Variants in GNA12 observed in about 807,000 individuals in gnomAD.
GNA12 encodes guanine nucleotide-binding protein subunit alpha-12.
A neutral mutation model predicts 26.0 loss-of-function variants in GNA12; 9 were observed. The ratio of observed to expected loss-of-function variants is 0.35; its 90% confidence interval spans 0.21 to 0.60. The LOEUF is 0.60. Ranked by LOEUF, GNA12 falls within the 20% of genes least tolerant of loss-of-function variation. GNA12 has a pLI of 0.78. For missense variants in GNA12, 405 were observed against 525.8 expected (o/e 0.77, Z 2.25); for synonymous variants, 264 against 219.6 (o/e 1.20, Z -1.79).
At chr7:2,802,402 G>C (rs6949447) in intron 1 of GNA12, among the ~76,000 whole-genome samples, 2 of 88,066 alleles carry the variant, frequency 2.3e-5, no homozygotes, top group African/African-American at 4.5e-5. Context: ...TTGGGGGGGT[G>C]GGGGGTGGGG....
chr7:2,832,817 G>C (rs1438720251), intron 1 of GNA12, among the ~76,000 whole-genome samples: 1 of 152,168 alleles, frequency 6.6e-6, no homozygotes, highest in Non-Finnish European at 1.5e-5. Context: ...AGAGCGGCTG[G>C]ATGTGCTGCC....
intron 2 of GNA12, among the ~76,000 whole-genome samples, chr7:2,764,328 C>T (rs1791712918): frequency 6.6e-6 from 1 of 151,912 alleles, no homozygotes; most frequent in Admixed American, 6.6e-5. Context: ...AGTGATCCTC[C>T]CATCTCAGCC....
Position 2,781,412 on chromosome 7 carries a change from CTGTGTGTGTG to C in GNA12, c.525+13506_525+13515del, listed in dbSNP as rs58348546. ...CTCTAATCCATTTCAAAGTAAGTGT[CTGTGTGTGTG>C]TGTGTGTGTGTGTGTGTGTGTGTGT... On this transcript the variant is annotated intron_variant, in intron 2 of 3. Coordinates refer to ENST00000275364, the MANE Select transcript of GNA12 (RefSeq NM_007353.3). Among the ~76,000 whole-genome samples, 882 of 143,720 alleles carry C rather than the reference CTGTGTGTGTG, an allele frequency of 6.1e-3. 6 individuals are homozygous for C. The highest frequency in any genetic ancestry group is 0.017 in the Middle Eastern group (5 of 288). The allele number at this position is 143,720 out of a possible 152,430, so 94.3% of individuals were successfully genotyped here.
intron 2 of GNA12, among the ~76,000 whole-genome samples, chr7:2,740,284 G>A (rs575979107): frequency 1.3e-5 from 2 of 152,328 alleles, no homozygotes; most frequent in South Asian, 2.1e-4. Flanking sequence ...CCTACCTGCA[G>A]TGTGATGGTA....
At chr7:2,741,053 C>T (rs1022391643) in intron 2 of GNA12, among the ~76,000 whole-genome samples, 6 of 151,308 alleles carry the variant, frequency 4.0e-5, no homozygotes, top group African/African-American at 1.5e-4. Flanking sequence ...TCAAAACAAA[C>T]AAACAAACAA....
chr7:2,742,168 T>G (rs1233554105), intron 2 of GNA12, among the ~76,000 whole-genome samples: 1 of 151,710 alleles, frequency 6.6e-6, no homozygotes, highest in Non-Finnish European at 1.5e-5. Flanking sequence ...ATTACAGAGG[T>G]GCACCACCAT....
chr7:2,774,234 T>C (rs957641288), intron 2 of GNA12, among the ~76,000 whole-genome samples: 6 of 152,190 alleles, frequency 3.9e-5, no homozygotes, highest in African/African-American at 1.4e-4. Flanking sequence ...CTTTTATTTC[T>C]ATACATGTAT....
chr7:2,842,285 A>T (rs989332619), intron 1 of GNA12, among the ~76,000 whole-genome samples: 1 of 151,914 alleles, frequency 6.6e-6, no homozygotes, highest in African/African-American at 2.4e-5. Context: ...GTACTGAGAG[A>T]CTGGAACCCC....
chr7:2,736,993 T>C (rs798520), intron 2 of GNA12, among the ~76,000 whole-genome samples: 82,943 of 152,116 alleles, frequency 0.55, 23,332 homozygotes, highest in Non-Finnish European at 0.62. Context: ...CTGCTCCTAA[T>C]TGGAGCCTTT....
chr7:2,741,428 C>T (rs1275744251), intron 2 of GNA12, among the ~76,000 whole-genome samples: 1 of 152,176 alleles, frequency 6.6e-6, no homozygotes, highest in Non-Finnish European at 1.5e-5. Context: ...GAGGCTTCCA[C>T]CACAGAATCT....
At chr7:2,757,515 T>A (rs1791360684) in intron 2 of GNA12, among the ~76,000 whole-genome samples, 1 of 152,100 alleles carries the variant, frequency 6.6e-6, no homozygotes, top group African/African-American at 2.4e-5. Flanking sequence ...CCAGTACCAG[T>A]GAGCTTGAAA....
intron 1 of GNA12, among the ~76,000 whole-genome samples, chr7:2,801,806 G>A (rs976243897): frequency 1.3e-5 from 2 of 152,014 alleles, no homozygotes; most frequent in Non-Finnish European, 2.9e-5. Flanking sequence ...GAGTTCCAGC[G>A]AAGTTTTCTA....
intron 2 of GNA12, among the ~76,000 whole-genome samples, chr7:2,784,202 C>T (rs1169003381): frequency 6.6e-6 from 1 of 152,214 alleles, no homozygotes; most frequent in African/African-American, 2.4e-5. Context: ...ACTGCAGCCT[C>T]AACCTCCCAG....
chr7:2,772,681 G>A (rs1236249706), intron 2 of GNA12, among the ~76,000 whole-genome samples: 1 of 152,318 alleles, frequency 6.6e-6, no homozygotes, highest in African/African-American at 2.4e-5. Flanking sequence ...ACAATGCCAA[G>A]TGTTGGTTAG....
intron 2 of GNA12, among the ~76,000 whole-genome samples, chr7:2,788,462 T>A (rs1792422381): frequency 1.3e-5 from 2 of 152,172 alleles, no homozygotes; most frequent in African/African-American, 4.8e-5. Flanking sequence ...GAGCGCACAC[T>A]CTGGACCGAG....
At chr7:2,804,984 G>A (rs1405177723) in intron 1 of GNA12, among the ~76,000 whole-genome samples, 2 of 152,080 alleles carry the variant, frequency 1.3e-5, no homozygotes, top group Non-Finnish European at 2.9e-5. Context: ...CAAACATGAT[G>A]TGTGCAGCGC....
chr7:2,782,770 TCA>T (rs778820836), intron 2 of GNA12, among the ~76,000 whole-genome samples: 9 of 152,102 alleles, frequency 5.9e-5, no homozygotes, highest in Non-Finnish European at 1.3e-4. Flanking sequence ...TTCCTGTGAC[TCA>T]GTGTTAAACG....
At chr7:2,827,744 A>G (rs1355638492) in intron 1 of GNA12, among the ~76,000 whole-genome samples, 1 of 152,224 alleles carries the variant, frequency 6.6e-6, no homozygotes, top group Non-Finnish European at 1.5e-5. Flanking sequence ...GAATCACCTA[A>G]TTATAAAAAC....
chr7:2,778,643 G>C (rs1232325869), intron 2 of GNA12, among the ~76,000 whole-genome samples: 1 of 152,178 alleles, frequency 6.6e-6, no homozygotes, highest in East Asian at 1.9e-4. Context: ...GAGCACAAAA[G>C]AAATTCAAAA....
Sources: allele counts gnomAD v4.1 joint callset (sites outside exome capture counted in the v4.1 genomes callset), GRCh38; gene constraint gnomAD v4.1.1; transcripts MANE v1.5; gene names NCBI Gene and HGNC (gene_info 2026-07-23, HGNC 2026-07-21).